Variants in PKHD1L1 observed in about 807,000 individuals in gnomAD.
The protein encoded by PKHD1L1 is PKHD1 like 1.
A neutral mutation model predicts 462.9 loss-of-function variants in PKHD1L1; 434 were observed. The observed-to-expected ratio is 0.94, with a 90% confidence interval of 0.87 to 1.02. PKHD1L1 has a LOEUF of 1.02. Ranked by LOEUF, PKHD1L1 falls within the 50% of genes least tolerant of loss-of-function variation. PKHD1L1 has a pLI of 0.00. For synonymous variants in PKHD1L1, 1,781 were observed against 1,750.0 expected, an observed-to-expected ratio of 1.02 and a Z score of -0.44; for missense variants, 5,202 against 5,096.1, an observed-to-expected ratio of 1.02 and a Z score of -0.63.
intron 46 of PKHD1L1, among the ~76,000 whole-genome samples, chr8:109,457,029 GAA>G (rs1372078664): frequency 6.6e-6 from 1 of 151,970 alleles, no homozygotes; most frequent in Non-Finnish European, 1.5e-5. Flanking sequence ...ATAAAAGAAA[GAA>G]AATTAACATA....
chr8:109,365,876 A>C (rs1811205183), intron 2 of PKHD1L1, among the ~76,000 whole-genome samples: 1 of 152,206 alleles, frequency 6.6e-6, no homozygotes, highest in African/African-American at 2.4e-5. Context: ...CAGGAGCCTG[A>C]GGCAGAAGAA....
At position 109,533,457 on chromosome 8, in the gene PKHD1L1, C is replaced by T. The variant is rs1199834075; in HGVS notation, c.*3367C>T. ...GGAACAGTGCCTGGCATGTAATAAG[C>T]ACCATGTGAGTGCTAATTATTAGAA... On this transcript the variant is annotated 3_prime_UTR_variant, in exon 78 of 78. Transcript: ENST00000378402. Among the ~76,000 whole-genome samples the T allele has an allele frequency of 6.6e-6, 1 of 152,196 alleles. No individual in the cohort carries two copies. The highest frequency in any genetic ancestry group is 1.5e-5 in the Non-Finnish European group (1 of 68,036).
rs769226057 is a variant in PKHD1L1 at position 109,401,603 on chromosome 8, T to G, written c.1373+15T>G. The G allele has an allele frequency of 4.4e-6, 6 of 1,348,554 alleles. No individual in the cohort carries two copies. The highest frequency in any genetic ancestry group is 6.3e-6 in the Non-Finnish European group (6 of 949,744). 83.5% of individuals were successfully genotyped at this position (1,348,554 alleles called of 1,614,324 possible). A position where few individuals can be genotyped will look rare whatever the true frequency, so the allele number is the denominator to read the frequency against. On this transcript the variant is annotated intron_variant, in intron 14 of 77. Transcript: ENST00000378402. ...AAAGGAAAAGAGTAAGGCTTTTTCC[T>G]GTCATTAAATTACTGTGTGGTATTT...
rs750654478 is a variant in PKHD1L1, at chr8:109,486,697, T to C, written c.9756T>C (p.Ala3252=). 15 of 1,612,368 alleles carry C rather than the reference T, an allele frequency of 9.3e-6. No individual in the cohort carries two copies. The highest frequency in any genetic ancestry group is 1.2e-5 in the Non-Finnish European group (14 of 1,178,896). The change falls in exon 59 of 78, where the codon GCT becomes GCC. Residue 3252 remains alanine (A), a synonymous_variant. Transcript: ENST00000378402. ...PGTGESYTLA[A]DVGILSRNIK... is the part of the protein sequence containing the mutation. ...CTGGTGAGAGCTACACGTTAGCAGC[T>C]GATGTTGGGATACTGAGTAGGAACA... is the stretch of plus-strand genomic sequence containing the variant.
chr8:109,377,606 T>C (rs1315435997), intron 2 of PKHD1L1, among the ~76,000 whole-genome samples: 1 of 152,186 alleles, frequency 6.6e-6, no homozygotes, highest in Non-Finnish European at 1.5e-5. Context: ...GAATTCAGAA[T>C]TTAGGAATTT....
intron 1 of PKHD1L1, among the ~76,000 whole-genome samples, chr8:109,364,322 A>G (rs4734212): frequency 0.3 from 45,141 of 152,152 alleles, 7,287 homozygotes; most frequent in Admixed American, 0.43. Context: ...TGCTCTTGGT[A>G]GCACCTAAGA....
intron 73 of PKHD1L1, 94 bp from the exon 74 acceptor site, chr8:109,522,092 G>C: frequency 8.1e-7 from 1 of 1,230,032 alleles, no homozygotes; most frequent in Non-Finnish European, 1.1e-6. Flanking sequence ...TAATGTGATG[G>C]AGCAATGCAA....
chr8:109,485,464 G>C (rs1003465852), intron 58 of PKHD1L1, among the ~76,000 whole-genome samples: 3 of 151,946 alleles, frequency 2.0e-5, no homozygotes, highest in African/African-American at 7.2e-5. Context: ...TGATTCTTGT[G>C]CACGCTGAAA....
At chr8:109,430,867 G>T (rs1815059193) in intron 27 of PKHD1L1, among the ~76,000 whole-genome samples, 2 of 151,858 alleles carry the variant, frequency 1.3e-5, no homozygotes, top group African/African-American at 4.8e-5. Context: ...ATGTTACATG[G>T]GGTTAAAACT....
rs1349758870 is a variant in PKHD1L1 at position 109,409,841 on chromosome 8, CTAATGTT to C, written c.1972-21_1972-15del. The C allele has an allele frequency of 7.4e-7, 1 of 1,356,954 alleles. No individual in the cohort carries two copies. The highest frequency in any genetic ancestry group is 1.5e-5 in the African/African-American group (1 of 67,440). The allele number at this position is 1,356,954 out of a possible 1,614,324, so 84.1% of individuals were successfully genotyped here. On this transcript the variant is annotated splice_polypyrimidine_tract_variant and intron_variant, in intron 18 of 77. Transcript: ENST00000378402. ...TCTAACTTTTCATGAAAAGAAGTTA[CTAATGTT>C]TATATTGTTAATTTAGTTTCAGGGA...
rs1220444863 is a variant in PKHD1L1, at chr8:109,523,391, G to T, written c.12484+5G>T. On this transcript the variant is annotated splice_donor_5th_base_variant and intron_variant, in intron 76 of 77. Coordinates refer to ENST00000378402, the MANE Select transcript of PKHD1L1 (RefSeq NM_177531.6). ...ACCTTACTCCCCTTAGAACAGGTGG[G>T]TGCACTATTTTGGATCCTCACATAT... The T allele has an allele frequency of 6.2e-7, 1 of 1,607,178 alleles. No homozygotes were observed. The highest frequency in any genetic ancestry group is 2.2e-5 in the East Asian group (1 of 44,826).
intron 44 of PKHD1L1, 87 bp downstream of exon 44, chr8:109,454,333 A>G (rs1030058826): frequency 1.2e-5 from 10 of 866,186 alleles, no homozygotes; most frequent in Admixed American, 2.8e-5. Flanking sequence ...ATAGTTAATT[A>G]TATCAACCTC....
chr8:109,445,285 C>T lies in PKHD1L1; in HGVS notation c.5416C>T (p.Pro1806Ser), dbSNP rs769479999. Residue 1806 changes from proline (P) to serine (S), a missense_variant, in exon 38 of 78, where the codon CCA becomes TCA. Transcript: ENST00000378402. The stretch of plus-strand genomic sequence containing the variant: ...CATCACTGCTCTTGTGACTCCTCTC[C>T]CAGTTGGACATCATTCTGTTAGTGT... ...NNITALVTPLPVGHHSVSVVV... is the reference protein window; with the variant it reads ...NNITALVTPLSVGHHSVSVVV... 2 of 1,613,960 alleles carry T rather than the reference C, an allele frequency of 1.2e-6. No individual in the cohort carries two copies. The highest frequency in any genetic ancestry group is 1.1e-5 in the South Asian group (1 of 91,070).
intron 44 of PKHD1L1, 76 bp from the exon 45 acceptor site, chr8:109,454,647 G>T: frequency 1.3e-6 from 2 of 1,550,230 alleles, no homozygotes; most frequent in Non-Finnish European, 1.8e-6. Context: ...GGATAGAAAA[G>T]AACTACTTTT....
At position 109,523,285 on chromosome 8, in the gene PKHD1L1, A is replaced by G. The variant is rs1376147838; in HGVS notation, c.12383A>G (p.Lys4128Arg). The change falls in exon 76 of 78, where the codon AAG becomes AGG. Residue 4128 changes from lysine (K) to arginine (R), a missense_variant. Coordinates refer to ENST00000378402, the MANE Select transcript of PKHD1L1 (RefSeq NM_177531.6). ...GCACTAACTTTGAGGGCCATACTCA[A>G]GGACTCCAATAATAACCAAGTCAAT... ...ITALTLRAIL[K>R]DSNNNQVNGL... The G allele has an allele frequency of 6.2e-7, 1 of 1,612,248 alleles. No individual in the cohort carries two copies. Among genetic ancestry groups the G allele is most frequent in the Non-Finnish European group, 8.5e-7 (1 of 1,178,766 alleles).
chr8:109,362,565 C>T lies in PKHD1L1; in HGVS notation c.-16C>T, dbSNP rs201917478. ...CTGCGAGCGGAGGGCACCAACTCCGCAGAACTGGCTTTTCAATGGGACACC... is the reference window on the plus strand; with the variant it reads ...CTGCGAGCGGAGGGCACCAACTCCGTAGAACTGGCTTTTCAATGGGACACC... On this transcript the variant is annotated 5_prime_UTR_variant, in exon 1 of 78. Coordinates refer to ENST00000378402, the MANE Select transcript of PKHD1L1 (RefSeq NM_177531.6). 3.9e-4 allele frequency: 623 copies of T among 1,600,678 alleles called. 1 individual carries two copies. Among genetic ancestry groups the T allele is most frequent in the Non-Finnish European group, 3.7e-5 (44 of 1,173,624 alleles).
At chr8:109,519,911 G>A (rs1208686454) in intron 73 of PKHD1L1, among the ~76,000 whole-genome samples, 6 of 152,088 alleles carry the variant, frequency 3.9e-5, no homozygotes, top group Non-Finnish European at 5.9e-5. Flanking sequence ...CAGGCTCTGT[G>A]TAAACCTGGG....
At position 109,451,132 on chromosome 8, in the gene PKHD1L1, C is replaced by A; in HGVS notation, c.6333C>A (p.Val2111=). 1 of 1,609,034 alleles carries A rather than the reference C, an allele frequency of 6.2e-7. No homozygotes were observed. Among genetic ancestry groups the A allele is most frequent in the South Asian group, 1.1e-5 (1 of 90,374 alleles). Residue 2111 remains valine (V), a synonymous_variant, in exon 41 of 78, where the codon GTC becomes GTA. Coordinates refer to ENST00000378402, the MANE Select transcript of PKHD1L1 (RefSeq NM_177531.6). ...CAGCAGGGGGCACCAGACTGACAGT[C>A]GTGGGATCAGGATTCAGGTACTGTC... ...GSTAGGTRLT[V]VGSGFSENME... is the part of the protein sequence containing the mutation.
intron 73 of PKHD1L1, among the ~76,000 whole-genome samples, chr8:109,520,715 A>T (rs1673428): frequency 0.24 from 36,036 of 151,966 alleles, 4,964 homozygotes; most frequent in African/African-American, 0.34. Context: ...GTATCAGGAT[A>T]TCCAGAAATT....
Sources: gnomAD v4.1 joint callset for allele counts (sites outside exome capture counted in the v4.1 genomes callset) on GRCh38, gnomAD v4.1.1 for gene constraint, MANE v1.5 for transcripts, NCBI Gene and HGNC (gene_info 2026-07-23, HGNC 2026-07-21) for gene names.